The following FAM135B variants were observed in gnomAD, a reference collection of about 807,000 sequenced individuals.
FAM135B encodes the protein protein FAM135B.
Under a neutral mutation model 127.7 loss-of-function variants are expected in FAM135B, and 43 were observed. That is an observed-to-expected ratio of 0.34 (90% CI 0.26 to 0.43). The LOEUF (loss-of-function observed/expected upper bound fraction) is 0.43. Among genes scored for constraint, FAM135B ranks in the 20% least tolerant of loss-of-function variants. The pLI is 1.00. For missense variants in FAM135B, 1,558 were observed against 1,725.6 expected, an observed-to-expected ratio of 0.90 and a Z score of 1.72; for synonymous variants, 670 against 665.1, an observed-to-expected ratio of 1.01 and a Z score of -0.11.
At chr8:138,257,923 C>G (rs1586903203) in intron 4 of FAM135B, among the ~76,000 whole-genome samples, 2 of 150,478 alleles carry the variant, frequency 1.3e-5, no homozygotes, top group African/African-American at 4.9e-5. Flanking sequence ...AAAACAAAAC[C>G]CTGGACTTGG....
At chr8:138,470,132 T>C (rs181307487) in intron 1 of FAM135B, among the ~76,000 whole-genome samples, 41 of 152,224 alleles carry the variant, frequency 2.7e-4, no homozygotes, top group African/African-American at 9.6e-4. Flanking sequence ...AACTGAAATA[T>C]AAAAGACATG....
rs1818135195 is a variant in FAM135B at position 138,151,442 on chromosome 8, C to T, written c.3033G>A (p.Gly1011=). The T allele has an allele frequency of 1.9e-6, 3 of 1,614,204 alleles. No individual in the cohort carries two copies. The highest frequency in any genetic ancestry group is 1.7e-6 in the Non-Finnish European group (2 of 1,180,026). ...AGGTCTCTGCAGAAGTCAGATGGGA[C>T]CCCATGATGGAAGTGCCTGCCTTCA... ...QELKAGTSIM[G]SHLTSAETFT... is the part of the protein sequence containing the mutation. The change falls in exon 13 of 20, where the codon GGG becomes GGA. Residue 1011 remains glycine, a synonymous_variant. Transcript: ENST00000395297.
At chr8:138,425,132 A>G (rs1451836308) in intron 1 of FAM135B, among the ~76,000 whole-genome samples, 1 of 152,202 alleles carries the variant, frequency 6.6e-6, no homozygotes, top group South Asian at 2.1e-4. Context: ...TACAAGCATT[A>G]TATATTTTAA....
At chr8:138,465,544 G>A (rs1157538340) in intron 1 of FAM135B, among the ~76,000 whole-genome samples, 1 of 152,110 alleles carries the variant, frequency 6.6e-6, no homozygotes. Context: ...ACCCAGAAAT[G>A]CAATGCCCAT....
intron 2 of FAM135B, among the ~76,000 whole-genome samples, chr8:138,318,366 G>A (rs1208945204): frequency 3.9e-5 from 6 of 152,192 alleles, no homozygotes; most frequent in Non-Finnish European, 8.8e-5. Flanking sequence ...GTCAGTCATT[G>A]CCAGGGGCTA....
intron 2 of FAM135B, among the ~76,000 whole-genome samples, chr8:138,365,857 CTT>C (rs1830698653): frequency 6.6e-6 from 1 of 152,172 alleles, no homozygotes; most frequent in Non-Finnish European, 1.5e-5. Flanking sequence ...CCTCTTTGCT[CTT>C]GAGACCTAAG....
chr8:138,256,841 T>C (rs556277621), intron 4 of FAM135B, 82 bp from the exon 5 acceptor site: 38 of 1,017,414 alleles, frequency 3.7e-5, no homozygotes, highest in African/African-American at 1.6e-4. Context: ...CTTCCCAAAG[T>C]AGAGAAACAC....
chr8:138,155,090 G>A (rs1254992855), intron 12 of FAM135B, among the ~76,000 whole-genome samples: 3 of 152,166 alleles, frequency 2.0e-5, no homozygotes, highest in Non-Finnish European at 4.4e-5. Flanking sequence ...GACTAACAGT[G>A]GATCTCTCAG....
In FAM135B at chr8:138,288,150, G is replaced by A. The variant is rs1194495402; in HGVS notation, c.158-22308C>T. Reference sequence around the variant, plus strand: ...ATTATAAGACCTCGTGCATGCTGAGGGAAACCAATAAGGTTTGTTCATTCA... The same window carrying A: ...ATTATAAGACCTCGTGCATGCTGAGAGAAACCAATAAGGTTTGTTCATTCA... On this transcript the variant is annotated intron_variant, in intron 3 of 19. Coordinates refer to ENST00000395297, the MANE Select transcript of FAM135B (RefSeq NM_015912.4). 3.3e-5 allele frequency among the ~76,000 whole-genome samples: 5 copies of A among 152,228 alleles called. No individual in the cohort carries two copies. In the East Asian group the frequency reaches 9.7e-4, roughly 29 times the overall value.
intron 4 of FAM135B, among the ~76,000 whole-genome samples, chr8:138,261,207 G>A (rs1295548004): frequency 6.6e-6 from 1 of 152,026 alleles, no homozygotes; most frequent in Non-Finnish European, 1.5e-5. Flanking sequence ...GGTCTGGCCT[G>A]GGCTCACGAA....
intron 2 of FAM135B, among the ~76,000 whole-genome samples, chr8:138,330,147 T>C (rs1308909116): frequency 2.0e-5 from 3 of 152,158 alleles, no homozygotes; most frequent in Admixed American, 1.3e-4. Context: ...CGGCTGCTCT[T>C]ATTTCTGAAG....
chr8:138,479,846 C>G (rs965228736), intron 1 of FAM135B, among the ~76,000 whole-genome samples: 1 of 152,078 alleles, frequency 6.6e-6, no homozygotes, highest in African/African-American at 2.4e-5. Flanking sequence ...TTACATAGAG[C>G]TCTAACATCT....
rs116328174 is a variant in FAM135B at position 138,434,246 on chromosome 8, G to A, written c.-20+62425C>T. On this transcript the variant is annotated intron_variant, in intron 1 of 19. Coordinates refer to ENST00000395297, the MANE Select transcript of FAM135B (RefSeq NM_015912.4). ...TTACCCAAGAAAAAAATCAATTGCT[G>A]TCTAAATATGAATCTAATGTTGTTT... Among the ~76,000 whole-genome samples the A allele has an allele frequency of 2.4e-3, 364 of 152,264 alleles. 2 individuals carry two copies. The highest frequency in any genetic ancestry group is 8.4e-3 in the African/African-American group (349 of 41,556).
Position 138,412,445 on chromosome 8 carries a change from A to G in FAM135B, c.-19-44443T>C, listed in dbSNP as rs186485426. Among the ~76,000 whole-genome samples, 97 of 152,274 alleles carry G rather than the reference A, an allele frequency of 6.4e-4. 2 individuals carry two copies. Among genetic ancestry groups the G allele is most frequent in the African/African-American group, 2.1e-3 (88 of 41,562 alleles). On this transcript the variant is annotated intron_variant, in intron 1 of 19. Transcript: ENST00000395297. ...TTGTTACACAGCAGAGAAGACTAATAAAGTGTTCACATCAGATTCTTCCAA... is the reference window on the plus strand; with the variant it reads ...TTGTTACACAGCAGAGAAGACTAATGAAGTGTTCACATCAGATTCTTCCAA...
At chr8:138,403,090 A>G (rs1833242834) in intron 1 of FAM135B, among the ~76,000 whole-genome samples, 1 of 152,204 alleles carries the variant, frequency 6.6e-6, no homozygotes, top group Non-Finnish European at 1.5e-5. Flanking sequence ...GTGAGAAATA[A>G]GTGTTTGCTG....
intron 3 of FAM135B, among the ~76,000 whole-genome samples, chr8:138,286,566 A>G (rs1824704128): frequency 6.6e-6 from 1 of 152,196 alleles, no homozygotes; most frequent in Non-Finnish European, 1.5e-5. Flanking sequence ...AAGCTAAGGC[A>G]ATCCCAGGCA....
intron 1 of FAM135B, among the ~76,000 whole-genome samples, chr8:138,449,794 A>G (rs1040375462): frequency 2.6e-5 from 4 of 152,140 alleles, no homozygotes; most frequent in African/African-American, 9.7e-5. Flanking sequence ...ATGTGTTACA[A>G]CTGATGAAAC....
chr8:138,386,224 CAAAA>C, intron 1 of FAM135B, among the ~76,000 whole-genome samples: 1 of 141,644 alleles, frequency 7.1e-6, no homozygotes. Flanking sequence ...CTCAAAAAAA[CAAAA>C]AAAAAAACAA....
At chr8:138,277,890 T>G (rs762154821) in intron 3 of FAM135B, among the ~76,000 whole-genome samples, 35 of 152,172 alleles carry the variant, frequency 2.3e-4, no homozygotes, top group Non-Finnish European at 4.0e-4. Flanking sequence ...CCAGGGACCT[T>G]GCAGGATAAG....
Sources: gnomAD v4.1 joint callset for allele counts (sites outside exome capture counted in the v4.1 genomes callset) on GRCh38, gnomAD v4.1.1 for gene constraint, MANE v1.5 for transcripts, NCBI Gene and HGNC (gene_info 2026-07-23, HGNC 2026-07-21) for gene names.